DLGAP1: variants seen among roughly 807,000 people sequenced by gnomAD.
DLGAP1 encodes the protein disks large-associated protein 1.
Under a neutral mutation model 90.8 loss-of-function variants are expected in DLGAP1, and 11 were observed. The observed-to-expected ratio is 0.12, with a 90% CI of 0.08 to 0.20. DLGAP1 has a LOEUF of 0.20. DLGAP1 is among the 10% of genes least tolerant of loss of function. The pLI is 1.00. For missense variants in DLGAP1, 1,050 were observed against 1,333.8 expected (o/e 0.79, Z 3.31); for synonymous variants, 558 against 540.7 (o/e 1.03, Z -0.44).
chr18:3,571,821 C>G (rs58397137), intron 8 of DLGAP1, among the ~76,000 whole-genome samples: 5 of 152,252 alleles, frequency 3.3e-5, no homozygotes, highest in African/African-American at 1.2e-4. Context: ...CCAATGTTCC[C>G]GGCCGCCTGG....
At chr18:3,614,409 TGG>T (rs753201789) in intron 7 of DLGAP1, among the ~76,000 whole-genome samples, 3 of 152,128 alleles carry the variant, frequency 2.0e-5, no homozygotes, top group Non-Finnish European at 4.4e-5. Flanking sequence ...AAAATTAATA[TGG>T]GTCAAAAGAA....
intron 3 of DLGAP1, among the ~76,000 whole-genome samples, chr18:3,945,135 T>C (rs539829690): frequency 6.6e-6 from 1 of 152,298 alleles, no homozygotes; most frequent in African/African-American, 2.4e-5. Context: ...GCTTCCAATT[T>C]CCCTCTCTCT....
chr18:4,067,971 G>A (rs562799389), intron 2 of DLGAP1, among the ~76,000 whole-genome samples: 1 of 151,994 alleles, frequency 6.6e-6, no homozygotes, highest in South Asian at 2.1e-4. Flanking sequence ...ACTCATATTT[G>A]GCCAGAATCA....
At chr18:3,857,599 C>T (rs1219791367) in intron 4 of DLGAP1, among the ~76,000 whole-genome samples, 1 of 152,112 alleles carries the variant, frequency 6.6e-6, no homozygotes, top group Non-Finnish European at 1.5e-5. Context: ...TTAAACTTTC[C>T]CTGTTTCTTG....
intron 10 of DLGAP1, among the ~76,000 whole-genome samples, chr18:3,522,735 G>A (rs929602312): frequency 6.6e-6 from 1 of 151,676 alleles, no homozygotes; most frequent in African/African-American, 2.4e-5. Flanking sequence ...TAGAGACGGG[G>A]TTTCACCATG....
In DLGAP1 at chr18:3,879,626, A is replaced by T; in HGVS notation, c.443T>A (p.Leu148His). Residue 148 changes from leucine (L) to histidine (H), a missense_variant, in exon 4 of 13, where the codon CTC (leucine) becomes CAC (histidine). Transcript: ENST00000315677. This position sits in a 1 kb window ranked among gnomAD's most constrained non-coding sequence, Gnocchi z 6.6. ...IRHLVHSVQK[L>H]FTKSHSLEGP... ...CTCCAGGGAGTGCGACTTGGTGAAG[A>T]GCTTCTGGACCGAGTGCACCAGGTG... The T allele has an allele frequency of 1.9e-6, 3 of 1,604,416 alleles. No homozygotes were observed. The highest frequency in any genetic ancestry group is 2.5e-6 in the Non-Finnish European group (3 of 1,178,944).
intron 1 of DLGAP1, among the ~76,000 whole-genome samples, chr18:4,397,932 T>C (rs2082474160): frequency 6.6e-6 from 1 of 152,182 alleles, no homozygotes; most frequent in South Asian, 2.1e-4. Context: ...CATCAATATG[T>C]TATTCTAATT....
chr18:4,255,335 T>C (rs2145220793), intron 1 of DLGAP1, among the ~76,000 whole-genome samples: 2 of 152,280 alleles, frequency 1.3e-5, no homozygotes, highest in South Asian at 4.2e-4. Context: ...TTCAACAGAA[T>C]ATTGCTGTCC....
At chr18:4,155,852 A>G (rs1291456223) in intron 1 of DLGAP1, among the ~76,000 whole-genome samples, 1 of 152,152 alleles carries the variant, frequency 6.6e-6, no homozygotes, top group East Asian at 1.9e-4. Flanking sequence ...TTATGTTTCA[A>G]AACCTCATCC....
At chr18:3,995,393 G>T (rs899334227) in intron 3 of DLGAP1, 2 of 152,122 alleles carry the variant, frequency 1.3e-5, no homozygotes, top group Admixed American at 6.5e-5. Context: ...TAGTATTTAT[G>T]AATTGTTACT....
intron 3 of DLGAP1, among the ~76,000 whole-genome samples, chr18:3,967,469 C>T (rs1342541685): frequency 6.6e-6 from 1 of 152,224 alleles, no homozygotes; most frequent in Non-Finnish European, 1.5e-5. Flanking sequence ...TAGGGCTTCA[C>T]CCCAGACCTA....
intron 3 of DLGAP1, among the ~76,000 whole-genome samples, chr18:3,955,787 T>C (rs1229468935): frequency 6.6e-6 from 1 of 150,564 alleles, no homozygotes; most frequent in Non-Finnish European, 1.5e-5. Flanking sequence ...GAGAGAAAAC[T>C]AGTATGTGTG....
chr18:4,073,654 A>C (rs1287774095), intron 2 of DLGAP1, among the ~76,000 whole-genome samples: 1 of 152,218 alleles, frequency 6.6e-6, no homozygotes, highest in Non-Finnish European at 1.5e-5. Context: ...CCTACAAAAA[A>C]CTAAGTGGAT....
intron 7 of DLGAP1, among the ~76,000 whole-genome samples, chr18:3,672,083 A>G (rs2060104881): frequency 1.3e-5 from 2 of 152,210 alleles, no homozygotes; most frequent in African/African-American, 2.4e-5. Context: ...GCAGATTTGA[A>G]AAGTTAATAT....
intron 8 of DLGAP1, among the ~76,000 whole-genome samples, chr18:3,581,522 T>C (rs2055509192): frequency 6.6e-6 from 1 of 151,652 alleles, no homozygotes. Context: ...ACAGGTGGGG[T>C]TGGGGCACAC....
intron 2 of DLGAP1, among the ~76,000 whole-genome samples, chr18:4,055,567 T>C (rs926851001): frequency 1.3e-5 from 2 of 152,172 alleles, no homozygotes; most frequent in Non-Finnish European, 2.9e-5. Context: ...GTTCCTGCAT[T>C]AGTTTGCTTA....
chr18:3,870,248 T>C (rs2070662222), intron 4 of DLGAP1, among the ~76,000 whole-genome samples: 1 of 152,176 alleles, frequency 6.6e-6, no homozygotes, highest in Non-Finnish European at 1.5e-5. Context: ...GCACATAAAA[T>C]TAAGGAAGCT....
chr18:3,959,409 G>A (rs981197814), intron 3 of DLGAP1, among the ~76,000 whole-genome samples: 1 of 152,142 alleles, frequency 6.6e-6, no homozygotes, highest in South Asian at 2.1e-4. Flanking sequence ...GCGCATGTCT[G>A]TAATCCCAGC....
intron 7 of DLGAP1, among the ~76,000 whole-genome samples, chr18:3,698,280 C>T (rs1034441699): frequency 6.6e-6 from 1 of 152,182 alleles, no homozygotes; most frequent in East Asian, 1.9e-4. Flanking sequence ...TTCATAGTGT[C>T]AATGGTCTTT....
Sources: gnomAD v4.1 joint callset for allele counts (sites outside exome capture counted in the v4.1 genomes callset) on GRCh38, gnomAD v4.1.1 for gene constraint, Gnocchi (gnomAD v3.1) non-coding constraint, MANE v1.5 for transcripts, NCBI Gene and HGNC (gene_info 2026-07-23, HGNC 2026-07-21) for gene names.